Variants in STXBP2 observed in about 807,000 individuals in gnomAD.
STXBP2 encodes syntaxin-binding protein 2.
Under a neutral mutation model 72.2 loss-of-function variants are expected in STXBP2, and 47 were observed. That is an observed-to-expected ratio of 0.65 (90% CI 0.51 to 0.83). The LOEUF (loss-of-function observed/expected upper bound fraction) is 0.83. Ranked by LOEUF, STXBP2 falls within the 40% of genes least tolerant of loss-of-function variation. The probability of loss-of-function intolerance (pLI) is 0.00; values close to 1 mark genes in which losing one functional copy is unlikely to be tolerated. For missense variants in STXBP2, 702 were observed against 807.6 expected (o/e 0.87, Z 1.58); for synonymous variants, 367 against 338.7 (o/e 1.08, Z -0.92).
intron 15 of STXBP2, chr19:7,645,844 T>A (rs1188704113): frequency 3.0e-6 from 1 of 336,196 alleles, no homozygotes; most frequent in African/African-American, 2.1e-5. Flanking sequence ...TCTCTCACCC[T>A]TCTCTCTGCC....
Position 7,640,543 on chromosome 19 carries a change from C to G in STXBP2, c.247-188C>G, listed in dbSNP as rs372737992. On this transcript the variant is annotated intron_variant, in intron 4 of 18. Transcript: ENST00000221283. Reference sequence around the variant, plus strand: ...GTGCATGCGTGTGTATGTGTGTGTGCGTGCGTGCATCTGTGTGTGTGCGCG... The same window carrying G: ...GTGCATGCGTGTGTATGTGTGTGTGGGTGCGTGCATCTGTGTGTGTGCGCG... 30 of 701,626 alleles carry G rather than the reference C, an allele frequency of 4.3e-5. No homozygotes were observed. The Middle Eastern group carries it at 7.2e-4, about 17-fold the overall frequency. 43.5% of individuals were successfully genotyped at this position (701,626 alleles called of 1,614,324 possible).
chr19:7,631,495 A>G, the STXBP2 span: 2 of 1,536,580 alleles, frequency 1.3e-6, no homozygotes, highest in Non-Finnish European at 1.7e-6. Flanking sequence ...GAGGAATTCA[A>G]AGAGAGGTTA....
At position 7,643,169 on chromosome 19, in the gene STXBP2, C is replaced by G. The variant is rs2031965702; in HGVS notation, c.1031C>G (p.Ser344Cys). 3.1e-6 allele frequency: 5 copies of G among 1,614,134 alleles called. No individual in the cohort carries two copies. Among genetic ancestry groups the G allele is most frequent in the Non-Finnish European group, 4.2e-6 (5 of 1,179,996 alleles). ...CCCCCACCCTGCACCCTGCAGTATT[C>G]TACGCACCTGCATCTAGCAGATGAT... ...PQYQKELNKY[S>C]THLHLADDCM... is the part of the protein sequence containing the mutation. The change falls in exon 13 of 19, where the codon TCT becomes TGT. Residue 344 changes from serine (S) to cysteine (C), a missense_variant. By Grantham distance (112) the Ser-to-Cys change is moderately radical (BLOSUM62 -1). Transcript: ENST00000221283.
At chr19:7,630,702 G>A in the STXBP2 span, 1 of 1,532,504 alleles carries the variant, frequency 6.5e-7, no homozygotes, top group South Asian at 1.2e-5. Flanking sequence ...CCAGGGGTGG[G>A]AGAGGGTGTG....
chr19:7,640,941 C>T lies in STXBP2; in HGVS notation c.367C>T (p.Leu123=). ...PLFSELGRSR[L]AKVVKTLKEI... is the part of the protein sequence containing the mutation. Reference sequence around the variant, plus strand: ...GTTCAGTGAGCTAGGCCGCTCTCGTCTGGCAAAGGTGGTGAAGACGTTGAA... The same window carrying T: ...GTTCAGTGAGCTAGGCCGCTCTCGTTTGGCAAAGGTGGTGAAGACGTTGAA... The change falls in exon 6 of 19, where the codon CTG becomes TTG. Residue 123 remains leucine (L), a synonymous_variant. Transcript: ENST00000221283. The T allele has an allele frequency of 6.2e-7, 1 of 1,614,232 alleles. No individual in the cohort carries two copies. Among genetic ancestry groups the T allele is most frequent in the Non-Finnish European group, 8.5e-7 (1 of 1,180,034 alleles).
upstream of STXBP2, chr19:7,632,549 C>T: frequency 1.2e-6 from 2 of 1,609,016 alleles, no homozygotes; most frequent in Middle Eastern, 1.7e-4. The surrounding 1 kb of genome is among the most constrained non-coding windows in gnomAD (Gnocchi z 5.2). Context: ...TGGGAGGACA[C>T]AGCCGGAGTG....
rs1194904712 is a variant in STXBP2, at chr19:7,637,135, C to T, written c.-15C>T. 3 of 1,239,880 alleles carry T rather than the reference C, an allele frequency of 2.4e-6. No homozygotes were observed. The highest frequency in any genetic ancestry group is 3.1e-5 in the African/African-American group (2 of 64,404). 76.8% of individuals were successfully genotyped at this position (1,239,880 alleles called of 1,614,324 possible). On this transcript the variant is annotated 5_prime_UTR_variant, in exon 1 of 19. Transcript: ENST00000221283. ...GGGACACACCCGGAAGCGGCGGCGG[C>T]GCCCCTCGGGGAAGATGGCGCCCTC...
rs149590619 is a variant in STXBP2 at position 7,640,796 on chromosome 19, C to T, written c.312C>T (p.Ile104=). ...TPTFTYKAAH[I]FFTDTCPEPL... ...CTTTCACCTACAAAGCGGCCCATAT[C>T]TTCTTCACCGACAGTGAGTGAGGAG... is the stretch of plus-strand genomic sequence containing the variant. Residue 104 remains isoleucine, a synonymous_variant, in exon 5 of 19, where the codon ATC becomes ATT. Transcript: ENST00000221283. The T allele has an allele frequency of 1.1e-4, 172 of 1,614,076 alleles. No individual in the cohort carries two copies. Among genetic ancestry groups the T allele is most frequent in the Non-Finnish European group, 1.4e-4 (167 of 1,180,032 alleles).
Position 7,640,981 on chromosome 19 carries a change from C to T in STXBP2, c.407C>T (p.Ala136Val), listed in dbSNP as rs1225714515. The T allele has an allele frequency of 6.2e-7, 1 of 1,614,174 alleles. No homozygotes were observed. Among genetic ancestry groups the T allele is most frequent in the Admixed American group, 1.7e-5 (1 of 60,030 alleles). Residue 136 changes from alanine (A) to valine (V), a missense_variant, in exon 6 of 19, where the codon GCC (alanine) becomes GTC (valine). Coordinates refer to ENST00000221283, the MANE Select transcript of STXBP2 (RefSeq NM_006949.4). ...AAGACGTTGAAGGAGATTCACCTTG[C>T]CTTCCTCCCCTACGAGGCCCAGGTA... ...VVKTLKEIHL[A>V]FLPYEAQVFS...
the STXBP2 span, chr19:7,629,933 G>T: frequency 3.4e-3 from 4,920 of 1,431,456 alleles, 15 homozygotes; most frequent in Non-Finnish European, 4.1e-3. Flanking sequence ...GGTTGGAAAT[G>T]GGGGGACTTC....
intron 18 of STXBP2, 98 bp downstream of exon 18, chr19:7,647,609 C>A: frequency 6.3e-7 from 1 of 1,595,922 alleles, no homozygotes; most frequent in South Asian, 1.1e-5. Flanking sequence ...TCCTTGGAGT[C>A]AGGGACCTGG....
intron 4 of STXBP2, chr19:7,640,282 ATC>A (rs1568465082): frequency 3.9e-6 from 2 of 514,966 alleles, no homozygotes; most frequent in South Asian, 1.6e-5. Flanking sequence ...ATGTATGTGC[ATC>A]TGTGTGCATG....
Position 7,642,222 on chromosome 19 carries a change from C to T in STXBP2, c.683C>T (p.Ser228Phe), listed in dbSNP as rs1290021743. ...SLGEGPEKTR[S>F]QLLIMDRAAD... is the part of the protein sequence containing the mutation. ...CCCCAGGGCCCAGAGAAAACCCGCT[C>T]CCAGCTGCTGATAATGGACCGGGCA... The change falls in exon 9 of 19, where the codon TCC becomes TTC. Residue 228 changes from serine to phenylalanine, a missense_variant. Ser to Phe is a radical substitution (Grantham distance 155, BLOSUM62 -2). Coordinates refer to ENST00000221283, the MANE Select transcript of STXBP2 (RefSeq NM_006949.4). The surrounding 1 kb of genome is among the most constrained non-coding windows in gnomAD (Gnocchi z 6.0). 2 of 1,614,178 alleles carry T rather than the reference C, an allele frequency of 1.2e-6. No individual in the cohort carries two copies. Among genetic ancestry groups the T allele is most frequent in the East Asian group, 2.2e-5 (1 of 44,882 alleles).
At chr19:7,640,406 GTGTA>G (rs1178304267) in intron 4 of STXBP2, 35 of 578,492 alleles carry the variant, frequency 6.1e-5, no homozygotes, top group Admixed American at 9.9e-5. Flanking sequence ...GTGTATATGT[GTGTA>G]TGTATGTGTG....
At chr19:7,646,520 G>C in intron 16 of STXBP2, 176 bp downstream of exon 16, 3 of 697,326 alleles carry the variant, frequency 4.3e-6, no homozygotes, top group Non-Finnish European at 7.7e-6. Context: ...CTGAGGAATT[G>C]GGGTGACAGC....
In STXBP2 at chr19:7,642,480, C is replaced by A; in HGVS notation, c.846C>A (p.Asp282Glu). The A allele has an allele frequency of 6.2e-7, 1 of 1,614,044 alleles. No homozygotes were observed. Among genetic ancestry groups the A allele is most frequent in the East Asian group, 2.2e-5 (1 of 44,882 alleles). Residue 282 changes from aspartate (D) to glutamate (E), a missense_variant, in exon 10 of 19, where the codon GAC becomes GAA. Physicochemically the swap from Asp to Glu is conservative, Grantham distance 45 (BLOSUM62 2). Transcript: ENST00000221283. This position sits in a 1 kb window ranked among gnomAD's most constrained non-coding sequence, Gnocchi z 6.0. ...CGCGGGAGAAGGCCGTCTTGCTGGA[C>A]GAGGACGATGACTTGTGGGTGGAGC... ...SEAREKAVLLDEDDDLWVELR... is the reference protein window; with the variant it reads ...SEAREKAVLLEEDDDLWVELR...
rs553834060 is a variant in STXBP2, at chr19:7,643,334, G to A, written c.1107+89G>A. ...CTGAACTGTAGAGATGGGGGGTTCTGGGGGAGGGGCAGGGCTTGTGGAGAG... is the reference window on the plus strand; with the variant it reads ...CTGAACTGTAGAGATGGGGGGTTCTAGGGGAGGGGCAGGGCTTGTGGAGAG... On this transcript the variant is annotated intron_variant, in intron 13 of 18. Coordinates refer to ENST00000221283, the MANE Select transcript of STXBP2 (RefSeq NM_006949.4). 7.2e-6 allele frequency: 10 copies of A among 1,385,096 alleles called. No individual in the cohort carries two copies. The African/African-American group carries it at 1.1e-4, about 16-fold the overall frequency. The allele number at this position is 1,385,096 out of a possible 1,614,324, so 85.8% of individuals were successfully genotyped here.
Position 7,642,360 on chromosome 19 carries a change from C to A in STXBP2, c.794+27C>A, listed in dbSNP as rs1341743962. 6.2e-7 allele frequency: 1 copy of A among 1,613,082 alleles called. No individual in the cohort carries two copies. Among genetic ancestry groups the A allele is most frequent in the East Asian group, 2.2e-5 (1 of 44,896 alleles). The stretch of plus-strand genomic sequence containing the variant: ...TCTGCAGACTTGGAACCCGTCCCCA[C>A]CCTTGCCACTGACCTGGTTCCCCAG... On this transcript the variant is annotated intron_variant, in intron 9 of 18. Coordinates refer to ENST00000221283, the MANE Select transcript of STXBP2 (RefSeq NM_006949.4). The surrounding 1 kb of genome is among the most constrained non-coding windows in gnomAD (Gnocchi z 6.0).
chr19:7,634,142 TCTC>T (rs1211670774), upstream of STXBP2, among the ~76,000 whole-genome samples: 2 of 152,064 alleles, frequency 1.3e-5, no homozygotes, highest in Admixed American at 6.5e-5. Flanking sequence ...AGCTATCTCC[TCTC>T]CTCTATCACC....
Sources: gnomAD v4.1 joint callset for allele counts (sites outside exome capture counted in the v4.1 genomes callset) on GRCh38, gnomAD v4.1.1 for gene constraint, Gnocchi (gnomAD v3.1) non-coding constraint, MANE v1.5 for transcripts, NCBI Gene and HGNC (gene_info 2026-07-23, HGNC 2026-07-21) for gene names.